Variants in ANK3 observed in about 807,000 individuals in gnomAD.
The protein encoded by ANK3 is ankyrin-3.
A neutral mutation model predicts 370.9 loss-of-function variants in ANK3; 57 were observed. The observed-to-expected ratio is 0.15, with a 90% CI of 0.12 to 0.19. The LOEUF is 0.19. ANK3 is among the 10% of genes least tolerant of loss of function. The probability of loss-of-function intolerance (pLI) is 1.00; values close to 1 mark genes in which losing one functional copy is unlikely to be tolerated. For synonymous variants in ANK3, 1,929 were observed against 1,946.3 expected (o/e 0.99, Z 0.23); for missense variants, 4,439 against 5,302.1 (o/e 0.84, Z 5.06).
intron 1 of ANK3, among the ~76,000 whole-genome samples, chr10:60,665,366 C>T (rs10509136): frequency 0.11 from 17,479 of 152,168 alleles, 1,468 homozygotes; most frequent in East Asian, 0.27. Flanking sequence ...AAAACATGCT[C>T]GTCATTGTGC....
In ANK3 at chr10:60,496,190, G is replaced by A. The variant is rs7081806; in HGVS notation, c.96+118996C>T. Among the ~76,000 whole-genome samples the A allele has an allele frequency of 8.7e-3, 1,320 of 152,150 alleles. 13 individuals are homozygous for A. The highest frequency in any genetic ancestry group is 0.012 in the African/African-American group (518 of 41,522). Reference sequence around the variant, plus strand: ...CAAGGTTCAACATGGAACTCTACTTGCTGTATTCCCAGTCACCCATTGAAC... The same window carrying A: ...CAAGGTTCAACATGGAACTCTACTTACTGTATTCCCAGTCACCCATTGAAC... On this transcript the variant is annotated intron_variant, in intron 2 of 43. Transcript: ENST00000373827.
At chr10:60,393,865 A>G (rs2063161983), upstream of ANK3, among the ~76,000 whole-genome samples, 1 of 152,076 alleles carries the variant, frequency 6.6e-6, no homozygotes, top group South Asian at 2.1e-4. Context: ...AAAAAATATT[A>G]CACTGTACTA....
In ANK3 at chr10:60,600,328, G is replaced by C. The variant is rs537056230; in HGVS notation, c.96+14858C>G. Among the ~76,000 whole-genome samples, 4 of 152,184 alleles carry C rather than the reference G, an allele frequency of 2.6e-5. No homozygotes were observed. The South Asian group carries it at 6.2e-4, about 24-fold the overall frequency. ...TTTGCCAAGACTACTCCTAATTCCA[G>C]ATTTTGCTGAAATGTTCTTCTCCCA... On this transcript the variant is annotated intron_variant, in intron 2 of 43. Coordinates refer to the ANK3 transcript ENST00000373827.
chr10:60,313,627 A>G (rs186693493), intron 1 of ANK3, among the ~76,000 whole-genome samples: 269 of 152,302 alleles, frequency 1.8e-3, no homozygotes, highest in African/African-American at 6.3e-3. Flanking sequence ...TCCTGCAACT[A>G]TCAGCGCTTT....
At chr10:60,079,226 C>CACACACACA (rs1564852646) in intron 36 of ANK3, among the ~76,000 whole-genome samples, 40 of 143,738 alleles carry the variant, frequency 2.8e-4, no homozygotes, top group South Asian at 6.6e-4. Flanking sequence ...CACACACACA[C>CACACACACA]CCCTCTTCTG....
At chr10:60,698,436 T>C (rs1340104344) in intron 1 of ANK3, among the ~76,000 whole-genome samples, 1 of 151,650 alleles carries the variant, frequency 6.6e-6, no homozygotes, top group African/African-American at 2.4e-5. Context: ...CATGGTTCTA[T>C]AAAGACACAT....
Position 60,074,526 on chromosome 10 carries a change from C to G in ANK3, c.6355G>C (p.Asp2119His). ...TCAGACAAGGGACTTTTATCTTGGT[C>G]GTGTTGAGAAAAGTCATCAGGAGAC... ...LESPDDFSQH[D>H]QDKSPLSDSG... Residue 2119 changes from aspartate to histidine, a missense_variant, in exon 37 of 44, where the codon GAC becomes CAC. Transcript: ENST00000280772. 1 of 1,613,612 alleles carries G rather than the reference C, an allele frequency of 6.2e-7. No homozygotes were observed. Among genetic ancestry groups the G allele is most frequent in the Non-Finnish European group, 8.5e-7 (1 of 1,179,876 alleles).
intron 2 of ANK3, among the ~76,000 whole-genome samples, chr10:60,518,575 G>A (rs1050468647): frequency 6.6e-6 from 1 of 152,090 alleles, no homozygotes; most frequent in African/African-American, 2.4e-5. Flanking sequence ...TTAGGATCAG[G>A]CCTGTTTAGG....
chr10:60,296,966 T>G (rs1024847057), intron 1 of ANK3, among the ~76,000 whole-genome samples: 2 of 152,122 alleles, frequency 1.3e-5, no homozygotes, highest in Non-Finnish European at 2.9e-5. Flanking sequence ...GGCAACGGAG[T>G]GAGACCTTGT....
At chr10:60,121,620 G>A (rs1325443599) in intron 25 of ANK3, among the ~76,000 whole-genome samples, 3 of 151,716 alleles carry the variant, frequency 2.0e-5, no homozygotes, top group Non-Finnish European at 4.4e-5. Context: ...TGAGCTGGGA[G>A]GTGGAGGTTG....
chr10:60,346,146 TA>T (rs1455668022), intron 1 of ANK3, among the ~76,000 whole-genome samples: 2 of 151,982 alleles, frequency 1.3e-5, no homozygotes, highest in Non-Finnish European at 2.9e-5. Flanking sequence ...GTATACAAAA[TA>T]AAACCAGAAA....
Position 60,079,561 on chromosome 10 carries a change from A to G in ANK3, c.4432+976T>C, listed in dbSNP as rs11816091. Among the ~76,000 whole-genome samples, 1,148 of 152,302 alleles carry G rather than the reference A, an allele frequency of 7.5e-3. 17 individuals are homozygous for G. Among genetic ancestry groups the G allele is most frequent in the African/African-American group, 0.026 (1,089 of 41,566 alleles). ...CCAAAGATGTGACTCTTACTGGCAAATTTCCAGACCTCCTTGAACTTAAGA... is the reference window on the plus strand; with the variant it reads ...CCAAAGATGTGACTCTTACTGGCAAGTTTCCAGACCTCCTTGAACTTAAGA... On this transcript the variant is annotated intron_variant, in intron 36 of 43. Coordinates refer to ENST00000280772, the MANE Select transcript of ANK3 (RefSeq NM_020987.5).
At chr10:60,131,930 C>G (rs1257830261) in intron 25 of ANK3, among the ~76,000 whole-genome samples, 1 of 152,178 alleles carries the variant, frequency 6.6e-6, no homozygotes, top group Non-Finnish European at 1.5e-5. Flanking sequence ...CACATGCTTT[C>G]TACATTAGCA....
chr10:60,330,159 G>A (rs767466326), intron 1 of ANK3, among the ~76,000 whole-genome samples: 1 of 152,120 alleles, frequency 6.6e-6, no homozygotes, highest in East Asian at 1.9e-4. Context: ...AGACTGAAAC[G>A]TAAGACCTAA....
Position 60,444,012 on chromosome 10 carries a change from C to T in ANK3, c.97-164373G>A, listed in dbSNP as rs887081675. 4.0e-5 allele frequency among the ~76,000 whole-genome samples: 6 copies of T among 151,738 alleles called. No homozygotes were observed. The East Asian group carries it at 5.8e-4, about 15-fold the overall frequency. The stretch of plus-strand genomic sequence containing the variant: ...GTTAACCAGAGGCCCACCTCAATGA[C>T]GCTTATGCAGATTTTTTTAGGATGA... On this transcript the variant is annotated intron_variant, in intron 2 of 43. Coordinates refer to the ANK3 transcript ENST00000373827.
chr10:60,086,617 T>C lies in ANK3; in HGVS notation c.3748+60A>G, dbSNP rs1589783576. On this transcript the variant is annotated intron_variant, in intron 30 of 43. Transcript: ENST00000280772. ...AAGGTTTTATATCTTTGTACACAAA[T>C]ATATCTTTGTACACAATCTTTGTGA... 9 of 1,384,074 alleles carry C rather than the reference T, an allele frequency of 6.5e-6. No individual in the cohort carries two copies. In the East Asian group the frequency reaches 2.1e-4, roughly 32 times the overall value. 85.7% of individuals were successfully genotyped at this position (1,384,074 alleles called of 1,614,324 possible).
intron 43 of ANK3, among the ~76,000 whole-genome samples, chr10:60,035,801 C>T (rs1487706174): frequency 2.0e-5 from 3 of 151,078 alleles, no homozygotes; most frequent in Non-Finnish European, 4.4e-5. Flanking sequence ...ACCAGCCTGA[C>T]CAACATGGAG....
At chr10:60,116,125 C>G (rs1024533378) in intron 25 of ANK3, among the ~76,000 whole-genome samples, 1 of 152,056 alleles carries the variant, frequency 6.6e-6, no homozygotes, top group African/African-American at 2.4e-5. Context: ...CCATCACTAC[C>G]ACCAACCCTA....
chr10:60,327,964 A>G (rs2050289364), intron 1 of ANK3, among the ~76,000 whole-genome samples: 2 of 152,136 alleles, frequency 1.3e-5, no homozygotes, highest in African/African-American at 4.8e-5. Context: ...AAGTTTGGTA[A>G]GTTTGGCTGT....
Sources: gnomAD v4.1 joint callset for allele counts (sites outside exome capture counted in the v4.1 genomes callset) on GRCh38, gnomAD v4.1.1 for gene constraint, MANE v1.5 for transcripts, NCBI Gene and HGNC (gene_info 2026-07-23, HGNC 2026-07-21) for gene names.